The following RANBP9 variants were observed in gnomAD, a reference collection of about 807,000 sequenced individuals.
RANBP9 encodes the protein RAN binding protein 9.
A neutral mutation model predicts 84.3 loss-of-function variants in RANBP9; 15 were observed. That is an observed-to-expected ratio of 0.18 (90% CI 0.12 to 0.27). The LOEUF (loss-of-function observed/expected upper bound fraction) is 0.27. Ranked by LOEUF, RANBP9 falls within the 10% of genes least tolerant of loss-of-function variation. The pLI, the probability that RANBP9 is intolerant of heterozygous loss-of-function variation, is 1.00. For synonymous variants in RANBP9, 392 were observed against 349.6 expected, an observed-to-expected ratio of 1.12 and a Z score of -1.35; for missense variants, 809 against 912.8, an observed-to-expected ratio of 0.89 and a Z score of 1.46.
chr6:13,711,474 TGCG>T lies in RANBP9; in HGVS notation c.29_31del (p.Pro10del), dbSNP rs747486243. On this transcript the variant is annotated inframe_deletion, in exon 1 of 14. Coordinates refer to ENST00000011619, the MANE Select transcript of RANBP9 (RefSeq NM_005493.3). ...CAGCTGCTGCTGCTGTTGCTGCTGC[TGCG>T]GCGGCGGCGGCGGCGGCTGCCCGGA... is the stretch of plus-strand genomic sequence containing the variant. 3.3e-4 allele frequency: 401 copies of T among 1,230,710 alleles called. No homozygotes were observed. The highest frequency in any genetic ancestry group is 6.6e-4 in the Middle Eastern group (2 of 3,014). The allele number at this position is 1,230,710 out of a possible 1,614,324, so 76.2% of individuals were successfully genotyped here. A position where few individuals can be genotyped will look rare whatever the true frequency, so the allele number is the denominator to read the frequency against.
At chr6:13,657,352 A>G (rs1765423752) in intron 3 of RANBP9, 76 bp from the exon 4 acceptor site, 4 of 1,273,320 alleles carry the variant, frequency 3.1e-6, no homozygotes, top group Non-Finnish European at 4.4e-6. Context: ...TAAGATTATG[A>G]TAAATCAGAA....
chr6:13,690,979 C>T (rs1766310359), intron 2 of RANBP9, among the ~76,000 whole-genome samples: 1 of 151,916 alleles, frequency 6.6e-6, no homozygotes, highest in Admixed American at 6.6e-5. Flanking sequence ...CCGGCCTGGC[C>T]AACATGGTGA....
chr6:13,623,210 G>A (rs927042917), intron 13 of RANBP9, among the ~76,000 whole-genome samples: 2 of 152,172 alleles, frequency 1.3e-5, no homozygotes, highest in African/African-American at 4.8e-5. Context: ...TGAACTAATG[G>A]TAAAAGTGGC....
At chr6:13,639,837 T>G in intron 8 of RANBP9, 84 bp from the exon 9 acceptor site, 6 of 1,200,806 alleles carry the variant, frequency 5.0e-6, no homozygotes, top group Non-Finnish European at 6.9e-6. Flanking sequence ...AAAATATTTT[T>G]AAAACTTTGA....
intron 2 of RANBP9, among the ~76,000 whole-genome samples, chr6:13,678,935 C>T (rs72831034): frequency 0.011 from 1,688 of 152,130 alleles, 12 homozygotes; most frequent in South Asian, 0.028. Context: ...CAAAATATTG[C>T]AAAGTGAAAT....
chr6:13,663,662 T>G (rs907637860), intron 2 of RANBP9, among the ~76,000 whole-genome samples: 1 of 151,804 alleles, frequency 6.6e-6, no homozygotes, highest in Admixed American at 6.6e-5. Flanking sequence ...GACATAAAGG[T>G]CAGTAAATAA....
chr6:13,639,603 G>A lies in RANBP9; in HGVS notation c.1485C>T (p.His495=). Residue 495 remains histidine (H), a synonymous_variant, in exon 9 of 14, where the codon CAC becomes CAT. Coordinates refer to ENST00000011619, the MANE Select transcript of RANBP9 (RefSeq NM_005493.3). ...SMSPSHGMNI[H]NLASGKGSTA... The stretch of plus-strand genomic sequence containing the variant: ...TGCTTCCTTTGCCTGATGCTAAATT[G>A]TGGATATTCATTCCATGGCTGGGGC... The A allele has an allele frequency of 6.2e-7, 1 of 1,612,258 alleles. No individual in the cohort carries two copies. The highest frequency in any genetic ancestry group is 1.1e-5 in the South Asian group (1 of 91,048).
chr6:13,700,619 C>T (rs886419452), intron 1 of RANBP9, among the ~76,000 whole-genome samples: 1 of 152,210 alleles, frequency 6.6e-6, no homozygotes, highest in Admixed American at 6.5e-5. Context: ...CTCTCCTGCA[C>T]ATTTACACAC....
chr6:13,694,798 C>T (rs948417531), intron 2 of RANBP9, among the ~76,000 whole-genome samples: 7 of 152,016 alleles, frequency 4.6e-5, no homozygotes, highest in African/African-American at 1.7e-4. Flanking sequence ...TACCACATGC[C>T]CTTTAGTCAC....
chr6:13,678,492 T>C (rs991827014), intron 2 of RANBP9, among the ~76,000 whole-genome samples: 2 of 152,172 alleles, frequency 1.3e-5, no homozygotes, highest in African/African-American at 4.8e-5. Flanking sequence ...CAATCCTGAG[T>C]CTACAGCCAA....
At chr6:13,691,241 A>G (rs1436469652) in intron 2 of RANBP9, among the ~76,000 whole-genome samples, 1 of 152,068 alleles carries the variant, frequency 6.6e-6, no homozygotes, top group Non-Finnish European at 1.5e-5. Context: ...TTATTTTTAA[A>G]TTAATAATAT....
At chr6:13,634,915 T>G (rs1050027043) in intron 10 of RANBP9, among the ~76,000 whole-genome samples, 2 of 151,976 alleles carry the variant, frequency 1.3e-5, no homozygotes, top group African/African-American at 4.8e-5. Context: ...CAGCCAGCCC[T>G]CTCCCCCTAC....
chr6:13,667,517 C>T (rs1324555409), intron 2 of RANBP9, among the ~76,000 whole-genome samples: 1 of 152,180 alleles, frequency 6.6e-6, no homozygotes, highest in Non-Finnish European at 1.5e-5. Context: ...CGGTCAACAA[C>T]AGACCGCATG....
intron 12 of RANBP9, among the ~76,000 whole-genome samples, chr6:13,627,740 ATAAATT>A (rs1187741041): frequency 2.6e-5 from 4 of 152,156 alleles, no homozygotes; most frequent in African/African-American, 9.7e-5. Flanking sequence ...CATAGTACAG[ATAAATT>A]TAAAAAGAAA....
intron 4 of RANBP9, among the ~76,000 whole-genome samples, chr6:13,656,617 G>T (rs1028942517): frequency 1.3e-5 from 2 of 152,018 alleles, no homozygotes; most frequent in Non-Finnish European, 2.9e-5. Context: ...TCCTTCCATA[G>T]AACAAACTTG....
At chr6:13,629,914 TCTCTCTC>T (rs1375078626) in intron 12 of RANBP9, among the ~76,000 whole-genome samples, 28 of 123,356 alleles carry the variant, frequency 2.3e-4, no homozygotes, top group East Asian at 6.8e-4. Flanking sequence ...TCTCTCTCTC[TCTCTCTC>T]GTGTGTGTGT....
chr6:13,703,982 A>G (rs1298192392), intron 1 of RANBP9, among the ~76,000 whole-genome samples: 2 of 152,212 alleles, frequency 1.3e-5, no homozygotes, highest in Admixed American at 6.5e-5. Context: ...CCTAACAGCT[A>G]AAGACCCAAA....
intron 12 of RANBP9, among the ~76,000 whole-genome samples, chr6:13,627,833 AACAC>A (rs1764660802): frequency 6.6e-6 from 1 of 152,110 alleles, no homozygotes; most frequent in Non-Finnish European, 1.5e-5. Flanking sequence ...CCTACATCCT[AACAC>A]ACCACCGAAA....
At chr6:13,680,474 A>G (rs1200274729) in intron 2 of RANBP9, among the ~76,000 whole-genome samples, 2 of 152,188 alleles carry the variant, frequency 1.3e-5, no homozygotes, top group Non-Finnish European at 2.9e-5. Context: ...ACAGTGGTTC[A>G]TGCGTGTAAT....
Sources: allele counts gnomAD v4.1 joint callset (sites outside exome capture counted in the v4.1 genomes callset), GRCh38; gene constraint gnomAD v4.1.1; transcripts MANE v1.5; gene names NCBI Gene and HGNC (gene_info 2026-07-23, HGNC 2026-07-21).